The following SLC25A21 variants were observed in gnomAD, a reference collection of about 807,000 sequenced individuals.
SLC25A21 encodes the protein solute carrier family 25 member 21, also known as mitochondrial 2-oxodicarboxylate carrier.
Under a neutral mutation model 43.8 loss-of-function variants are expected in SLC25A21, and 47 were observed. The ratio of observed to expected loss-of-function variants is 1.07; its 90% confidence interval spans 0.85 to 1.37. SLC25A21 has a LOEUF of 1.37. Ranked by LOEUF, SLC25A21 falls within the 40% of genes most tolerant of loss-of-function variation. The pLI is 0.00. For missense variants in SLC25A21, 352 were observed against 350.2 expected (o/e 1.00, Z -0.04); for synonymous variants, 131 against 121.3 (o/e 1.08, Z -0.52).
rs150904804 is a variant in SLC25A21, at chr14:36,942,039, G to A, written c.71-67035C>T. On this transcript the variant is annotated intron_variant, in intron 1 of 9. Transcript: ENST00000331299. ...GGTAAAATTTTGTTCTTATGACTCCGGAAATATGCCATCACCACTTTATAT... is the reference window on the plus strand; with the variant it reads ...GGTAAAATTTTGTTCTTATGACTCCAGAAATATGCCATCACCACTTTATAT... 2.5e-3 allele frequency among the ~76,000 whole-genome samples: 384 copies of A among 151,626 alleles called. 1 individual carries two copies. Among genetic ancestry groups the A allele is most frequent in the African/African-American group, 8.9e-3 (367 of 41,352 alleles).
chr14:36,772,861 C>A (rs943079586), intron 3 of SLC25A21, among the ~76,000 whole-genome samples: 2 of 152,320 alleles, frequency 1.3e-5, no homozygotes, highest in African/African-American at 4.8e-5. Flanking sequence ...TCAATAACTA[C>A]ATCTTCCTTT....
intron 3 of SLC25A21, among the ~76,000 whole-genome samples, chr14:36,760,600 C>T (rs1886116120): frequency 6.6e-6 from 1 of 152,170 alleles, no homozygotes; most frequent in Non-Finnish European, 1.5e-5. Context: ...CTGAGTTTGT[C>T]TACACACACA....
At chr14:36,687,358 G>T (rs1882601675) in intron 7 of SLC25A21, among the ~76,000 whole-genome samples, 1 of 151,888 alleles carries the variant, frequency 6.6e-6, no homozygotes, top group African/African-American at 2.4e-5. Flanking sequence ...AAATACAGAT[G>T]CCTGGGTCCC....
chr14:36,951,563 C>T (rs1469793919), intron 1 of SLC25A21, among the ~76,000 whole-genome samples: 1 of 152,060 alleles, frequency 6.6e-6, no homozygotes, highest in Non-Finnish European at 1.5e-5. Context: ...CAACAAAGTC[C>T]TTATGTCTAA....
At chr14:37,008,675 A>T (rs1247453611) in intron 1 of SLC25A21, among the ~76,000 whole-genome samples, 1 of 152,180 alleles carries the variant, frequency 6.6e-6, no homozygotes, top group Non-Finnish European at 1.5e-5. Context: ...GAGGTACAGC[A>T]CTCACCACCA....
At chr14:37,034,760 A>G (rs1176312104) in intron 1 of SLC25A21, among the ~76,000 whole-genome samples, 2 of 152,162 alleles carry the variant, frequency 1.3e-5, no homozygotes, top group Non-Finnish European at 2.9e-5. Context: ...ATTTCCTTCA[A>G]TTTGCTAAGC....
intron 1 of SLC25A21, among the ~76,000 whole-genome samples, chr14:36,876,177 T>C (rs1890517398): frequency 6.6e-6 from 1 of 152,198 alleles, no homozygotes; most frequent in African/African-American, 2.4e-5. Context: ...AGCCATGATG[T>C]AGTTTATCTT....
intron 1 of SLC25A21, among the ~76,000 whole-genome samples, chr14:37,124,401 A>G (rs1963262033): frequency 6.6e-6 from 1 of 152,170 alleles, no homozygotes; most frequent in African/African-American, 2.4e-5. Flanking sequence ...GCAGTTCTGT[A>G]AACAGAAGAT....
At chr14:36,970,402 G>A (rs1959723256) in intron 1 of SLC25A21, among the ~76,000 whole-genome samples, 1 of 152,092 alleles carries the variant, frequency 6.6e-6, no homozygotes, top group African/African-American at 2.4e-5. Context: ...CTGAGTCAGG[G>A]TCATGTCATG....
At chr14:37,154,455 A>T (rs976402890) in intron 1 of SLC25A21, among the ~76,000 whole-genome samples, 1 of 124,646 alleles carries the variant, frequency 8.0e-6, no homozygotes, top group Non-Finnish European at 1.7e-5. Flanking sequence ...AAGACACAGG[A>T]AACATAAAAA....
chr14:36,776,330 G>A (rs6571760), intron 3 of SLC25A21, among the ~76,000 whole-genome samples: 28,543 of 141,358 alleles, frequency 0.2, 3,180 homozygotes, highest in East Asian at 0.4. Flanking sequence ...TCCGCCTCCC[G>A]GGTTCACGCC....
At chr14:36,860,915 T>C (rs1185290784) in intron 2 of SLC25A21, among the ~76,000 whole-genome samples, 5 of 152,248 alleles carry the variant, frequency 3.3e-5, no homozygotes, top group Admixed American at 2.0e-4. Flanking sequence ...GTTTTTGCTA[T>C]AATAGGGAAG....
chr14:37,097,462 T>C (rs1272357507), intron 1 of SLC25A21, among the ~76,000 whole-genome samples: 3 of 152,154 alleles, frequency 2.0e-5, no homozygotes, highest in Non-Finnish European at 4.4e-5. Context: ...GGTAGGCAAT[T>C]GTTGAAGGGT....
At chr14:36,856,550 C>G (rs747475375) in intron 2 of SLC25A21, among the ~76,000 whole-genome samples, 9 of 152,294 alleles carry the variant, frequency 5.9e-5, no homozygotes, top group Middle Eastern at 3.4e-3. Flanking sequence ...CTCCCACTGA[C>G]TGCTTCCTCT....
intron 6 of SLC25A21, among the ~76,000 whole-genome samples, chr14:36,713,426 AT>A (rs1440036296): frequency 6.6e-6 from 1 of 151,962 alleles, no homozygotes; most frequent in Non-Finnish European, 1.5e-5. Flanking sequence ...CTGTTTCCTG[AT>A]TTTCACTGGC....
chr14:36,815,885 C>T (rs575338215), intron 2 of SLC25A21, among the ~76,000 whole-genome samples: 1 of 152,232 alleles, frequency 6.6e-6, no homozygotes, highest in South Asian at 2.1e-4. Context: ...CACAATTTTA[C>T]CTGCTTTTTA....
intron 2 of SLC25A21, among the ~76,000 whole-genome samples, chr14:36,840,444 CA>C (rs1889350700): frequency 6.6e-6 from 1 of 152,022 alleles, no homozygotes; most frequent in African/African-American, 2.4e-5. Flanking sequence ...TTTTATCTAC[CA>C]AAGGTTTCAG....
intron 1 of SLC25A21, among the ~76,000 whole-genome samples, chr14:37,086,067 T>G (rs957653528): frequency 6.6e-6 from 1 of 152,038 alleles, no homozygotes; most frequent in African/African-American, 2.4e-5. Context: ...ATCACGCCAC[T>G]GCACTGTAGC....
In SLC25A21 at chr14:37,050,509, G is replaced by A. The variant is rs144068068; in HGVS notation, c.70+121772C>T. Among the ~76,000 whole-genome samples the A allele has an allele frequency of 6.3e-3, 952 of 152,284 alleles. 10 individuals carry two copies. The highest frequency in any genetic ancestry group is 0.02 in the African/African-American group (829 of 41,548). ...TCTCTCTCTGCTTACCAAGTGGGTG[G>A]GGTACCTTGGATTCTTCCAACTCAT... On this transcript the variant is annotated intron_variant, in intron 1 of 9. Transcript: ENST00000331299.
Sources: allele counts gnomAD v4.1 joint callset (sites outside exome capture counted in the v4.1 genomes callset), GRCh38; gene constraint gnomAD v4.1.1; transcripts MANE v1.5; gene names NCBI Gene and HGNC (gene_info 2026-07-23, HGNC 2026-07-21).